The following NDUFA10 variants were observed in gnomAD, a reference collection of about 807,000 sequenced individuals.
The protein encoded by NDUFA10 is NADH dehydrogenase [ubiquinone] 1 alpha subcomplex subunit 10, mitochondrial.
In NDUFA10, 40 loss-of-function variants were observed where a neutral mutation model predicts 47.8. That is an observed-to-expected ratio of 0.84 (90% CI 0.65 to 1.09). The LOEUF is 1.09. NDUFA10 is among the 50% of genes least tolerant of loss of function. NDUFA10 has a pLI of 0.00. For missense variants in NDUFA10, 413 were observed against 451.1 expected (o/e 0.92, Z 0.76); for synonymous variants, 183 against 172.2 (o/e 1.06, Z -0.49).
At chr2:239,981,860 T>C (rs983849874) in intron 9 of NDUFA10, among the ~76,000 whole-genome samples, 2 of 151,892 alleles carry the variant, frequency 1.3e-5, no homozygotes, top group East Asian at 1.9e-4. Context: ...GAAATTCTCA[T>C]GTTAATGGCA....
At position 239,959,273 on chromosome 2, in the gene NDUFA10, C is replaced by T; in HGVS notation, c.*1845G>A. 1 of 985,470 alleles carries T rather than the reference C, an allele frequency of 1.0e-6. No individual in the cohort carries two copies. The highest frequency in any genetic ancestry group is 1.2e-6 in the Non-Finnish European group (1 of 829,948). The allele number at this position is 985,470 out of a possible 1,614,324, so 61.0% of individuals were successfully genotyped here. A position where few individuals can be genotyped will look rare whatever the true frequency, so the allele number is the denominator to read the frequency against. On this transcript the variant is annotated 3_prime_UTR_variant, in exon 10 of 10. Transcript: ENST00000252711. ...GCCCTGCATGGTTGGAGAGCTCTGC[C>T]CCTCACAAGGGCAATCCTGACCACA...
intron 9 of NDUFA10, among the ~76,000 whole-genome samples, chr2:239,964,093 G>C (rs1694964223): frequency 6.6e-6 from 1 of 152,194 alleles, no homozygotes; most frequent in African/African-American, 2.4e-5. Flanking sequence ...TGTGCAGGGG[G>C]CTGGTAGGCG....
intron 8 of NDUFA10, among the ~76,000 whole-genome samples, chr2:240,001,583 C>T (rs1696719655): frequency 6.6e-6 from 1 of 152,250 alleles, no homozygotes; most frequent in Non-Finnish European, 1.5e-5. Context: ...TCAAGGGATC[C>T]TTCTGACCTG....
chr2:240,021,493 A>G, intron 2 of NDUFA10, 81 bp from the exon 3 acceptor site: 2 of 1,272,768 alleles, frequency 1.6e-6, no homozygotes, highest in Non-Finnish European at 1.1e-6. Context: ...GCCAAAACAC[A>G]CAGCCCGCCC....
chr2:239,938,818 C>A (rs900109682), intron 4 of NDUFA10, among the ~76,000 whole-genome samples: 1 of 152,194 alleles, frequency 6.6e-6, no homozygotes, highest in Non-Finnish European at 1.5e-5. Context: ...GACGGCGCAG[C>A]GAATGCACCA....
At chr2:239,947,565 G>A (rs984009998) in intron 4 of NDUFA10, among the ~76,000 whole-genome samples, 4 of 152,064 alleles carry the variant, frequency 2.6e-5, no homozygotes, top group Admixed American at 2.0e-4. Flanking sequence ...AGACAGGGAC[G>A]GCTCCTGACT....
At chr2:239,895,069 TGGCTTTCA>T (rs1267017085) in intron 5 of NDUFA10, 1 of 230,356 alleles carries the variant, frequency 4.3e-6, no homozygotes. Context: ...AGCCGGGCAC[TGGCTTTCA>T]GTGCCCTGTA....
intron 9 of NDUFA10, among the ~76,000 whole-genome samples, chr2:239,973,148 G>A (rs1037345529): frequency 9.2e-5 from 14 of 152,210 alleles, no homozygotes; most frequent in Non-Finnish European, 1.9e-4. Flanking sequence ...CACAGTGCAG[G>A]TGGCAGGGCA....
At chr2:239,994,563 A>C (rs1448961024) in intron 8 of NDUFA10, among the ~76,000 whole-genome samples, 1 of 152,130 alleles carries the variant, frequency 6.6e-6, no homozygotes, top group Non-Finnish European at 1.5e-5. Context: ...AGAATGTAAT[A>C]ATAAGAGAAA....
chr2:239,916,173 TCACA>T lies in NDUFA10; in HGVS notation c.295-20863_295-20860del, dbSNP rs773756674. Among the ~76,000 whole-genome samples the T allele has an allele frequency of 3.4e-3, 283 of 82,732 alleles. 1 individual carries two copies. Among genetic ancestry groups the T allele is most frequent in the Non-Finnish European group, 5.4e-3 (201 of 37,250 alleles). 54.3% of individuals were successfully genotyped at this position (82,732 alleles called of 152,430 possible). On this transcript the variant is annotated intron_variant, in intron 4 of 5. Transcript: ENST00000419408. ...CACACAGAGAGACACACAGAGATACTCACACAAACATACACACAGAACACACACA... is the reference window on the plus strand; with the variant it reads ...CACACAGAGAGACACACAGAGATACTCAAACATACACACAGAACACACACA...
intron 6 of NDUFA10, among the ~76,000 whole-genome samples, chr2:240,008,590 C>T: frequency 6.6e-6 from 1 of 152,206 alleles, no homozygotes; most frequent in East Asian, 1.9e-4. Context: ...ACAGGGCTGG[C>T]ACAGAAACAT....
intron 5 of NDUFA10, chr2:240,013,540 T>A (rs1319218804): frequency 6.6e-6 from 1 of 152,240 alleles, no homozygotes; most frequent in African/African-American, 2.4e-5. Context: ...TGCCACTTGA[T>A]GGAAGGTTCT....
chr2:239,995,617 AC>A (rs1396241167), intron 8 of NDUFA10, among the ~76,000 whole-genome samples: 2 of 152,242 alleles, frequency 1.3e-5, no homozygotes, highest in East Asian at 3.8e-4. Flanking sequence ...CTTCACGCTC[AC>A]TTCTAACATG....
At chr2:239,996,574 A>G (rs1696488844) in intron 8 of NDUFA10, among the ~76,000 whole-genome samples, 1 of 152,256 alleles carries the variant, frequency 6.6e-6, no homozygotes, top group East Asian at 1.9e-4. Flanking sequence ...TGCATATGCA[A>G]CCATTCTTCT....
At chr2:239,997,060 C>T (rs778978193) in intron 8 of NDUFA10, among the ~76,000 whole-genome samples, 10 of 151,380 alleles carry the variant, frequency 6.6e-5, no homozygotes, top group Non-Finnish European at 1.2e-4. Flanking sequence ...TTTTTTATTG[C>T]TGTGTTATTT....
At chr2:240,020,610 C>T (rs1697581544) in intron 3 of NDUFA10, among the ~76,000 whole-genome samples, 1 of 152,172 alleles carries the variant, frequency 6.6e-6, no homozygotes, top group Non-Finnish European at 1.5e-5. Flanking sequence ...CTGTTTCCGT[C>T]TCCCAGGCTC....
At chr2:239,932,583 A>AT (rs1334670530) in intron 4 of NDUFA10, among the ~76,000 whole-genome samples, 5,600 of 147,768 alleles carry the variant, frequency 0.038, 329 homozygotes, top group African/African-American at 0.13. Flanking sequence ...TGGTCAAAGA[A>AT]TTTTTTTTTT....
At chr2:239,983,368 T>C (rs1695861893) in intron 9 of NDUFA10, 1 of 1,307,112 alleles carries the variant, frequency 7.7e-7, no homozygotes, top group Non-Finnish European at 1.0e-6. Flanking sequence ...GAACTGCTGC[T>C]GATGTCTCTG....
intron 4 of NDUFA10, among the ~76,000 whole-genome samples, chr2:239,905,247 G>T (rs1287233891): frequency 6.6e-6 from 1 of 152,148 alleles, no homozygotes; most frequent in Non-Finnish European, 1.5e-5. Context: ...AGTATGGGAA[G>T]GGGGCTTCCT....
Sources: allele counts gnomAD v4.1 joint callset (sites outside exome capture counted in the v4.1 genomes callset), GRCh38; gene constraint gnomAD v4.1.1; transcripts MANE v1.5; gene names NCBI Gene and HGNC (gene_info 2026-07-23, HGNC 2026-07-21).